Variants in EEFSEC observed in about 807,000 individuals in gnomAD.
EEFSEC encodes the protein selenocysteine-specific elongation factor.
In EEFSEC, 43 loss-of-function variants were observed where a neutral mutation model predicts 42.1. The observed-to-expected ratio is 1.02, with a 90% confidence interval of 0.80 to 1.32. The LOEUF is 1.32. Among genes scored for constraint, EEFSEC ranks in the 40% most tolerant of loss-of-function variants. The pLI is 0.00. For synonymous variants in EEFSEC, 354 were observed against 339.1 expected, an observed-to-expected ratio of 1.04 and a Z score of -0.48; for missense variants, 745 against 803.6, an observed-to-expected ratio of 0.93 and a Z score of 0.88.
rs370738607 is a variant in EEFSEC at position 128,287,615 on chromosome 3, C to T, written c.786+22834C>T. Among the ~76,000 whole-genome samples, 4 of 152,364 alleles carry T rather than the reference C, an allele frequency of 2.6e-5. No individual in the cohort carries two copies. In the South Asian group the frequency reaches 8.3e-4, roughly 32 times the overall value. On this transcript the variant is annotated intron_variant, in intron 4 of 6. Transcript: ENST00000254730. ...AGAGACTGAGTCTCCTGGAGTTAGA[C>T]TGGGAGACTTGCTCTTTGGGAAAGC...
intron 1 of EEFSEC, among the ~76,000 whole-genome samples, chr3:128,233,512 C>A (rs1187055719): frequency 3.9e-5 from 6 of 152,186 alleles, no homozygotes; most frequent in Non-Finnish European, 8.8e-5. Context: ...AATCATGTCT[C>A]CAGTTATCCA....
chr3:128,164,575 C>T (rs539761630), intron 1 of EEFSEC, among the ~76,000 whole-genome samples: 4 of 152,202 alleles, frequency 2.6e-5, no homozygotes, highest in Admixed American at 1.3e-4. Context: ...AAAGGAGGTG[C>T]GGCCAGGTTG....
At chr3:128,323,266 G>C (rs2067027638) in intron 4 of EEFSEC, among the ~76,000 whole-genome samples, 1 of 152,154 alleles carries the variant, frequency 6.6e-6, no homozygotes, top group African/African-American at 2.4e-5. Flanking sequence ...TTGCATATGG[G>C]AAATGGGAAC....
intron 4 of EEFSEC, among the ~76,000 whole-genome samples, chr3:128,267,815 C>G (rs899261705): frequency 1.3e-5 from 2 of 152,188 alleles, no homozygotes; most frequent in African/African-American, 4.8e-5. Flanking sequence ...ACTTCTATAG[C>G]AAAGTTATGC....
intron 6 of EEFSEC, among the ~76,000 whole-genome samples, chr3:128,381,933 G>A (rs1219134038): frequency 6.6e-6 from 1 of 152,136 alleles, no homozygotes; most frequent in South Asian, 2.1e-4. Context: ...AGGGAGCAGG[G>A]GGAAGAACAG....
intron 4 of EEFSEC, among the ~76,000 whole-genome samples, chr3:128,309,027 T>G (rs1402747784): frequency 1.3e-5 from 2 of 152,260 alleles, no homozygotes; most frequent in African/African-American, 2.4e-5. Context: ...GGCTGCCAGA[T>G]AGTCAACTAG....
At chr3:128,309,642 A>C (rs892130689) in intron 4 of EEFSEC, among the ~76,000 whole-genome samples, 3 of 152,246 alleles carry the variant, frequency 2.0e-5, no homozygotes, top group Non-Finnish European at 4.4e-5. Context: ...GGATGCTGGC[A>C]GAGGGTGAAA....
At chr3:128,199,891 G>A (rs1576539742) in intron 1 of EEFSEC, among the ~76,000 whole-genome samples, 1 of 151,802 alleles carries the variant, frequency 6.6e-6, no homozygotes, top group African/African-American at 2.4e-5. Flanking sequence ...ACGCCACCAC[G>A]CCCTGCTAAT....
At chr3:128,236,692 A>G (rs547799349) in intron 1 of EEFSEC, among the ~76,000 whole-genome samples, 1 of 152,158 alleles carries the variant, frequency 6.6e-6, no homozygotes, top group African/African-American at 2.4e-5. Flanking sequence ...CCTCAAACGC[A>G]TGTGGAGGCT....
intron 1 of EEFSEC, among the ~76,000 whole-genome samples, chr3:128,173,607 G>A (rs2065320310): frequency 6.6e-6 from 1 of 152,186 alleles, no homozygotes; most frequent in Non-Finnish European, 1.5e-5. Flanking sequence ...CCTTCCACAA[G>A]CATTGCAGGC....
At chr3:128,235,329 A>ACCTCCC (rs1387515543) in intron 1 of EEFSEC, among the ~76,000 whole-genome samples, 1 of 151,864 alleles carries the variant, frequency 6.6e-6, no homozygotes, top group African/African-American at 2.4e-5. Context: ...TCGGCCTCCC[A>ACCTCCC]AAGTGCTGGG....
intron 6 of EEFSEC, among the ~76,000 whole-genome samples, chr3:128,405,549 G>T (rs1243612454): frequency 2.6e-5 from 4 of 152,202 alleles, no homozygotes; most frequent in Non-Finnish European, 4.4e-5. Context: ...TATAAAGAAG[G>T]GGTGGCCAAC....
At position 128,235,313 on chromosome 3, in the gene EEFSEC, C is replaced by T. The variant is rs534672989; in HGVS notation, c.317-11523C>T. On this transcript the variant is annotated intron_variant, in intron 1 of 6. Transcript: ENST00000254730. ...TGAACTCCTGGGCTCAAGCAATCCCCCCACCTCGGCCTCCCAAAGTGCTGG... is the reference window on the plus strand; with the variant it reads ...TGAACTCCTGGGCTCAAGCAATCCCTCCACCTCGGCCTCCCAAAGTGCTGG... Among the ~76,000 whole-genome samples the T allele has an allele frequency of 3.6e-4, 55 of 152,202 alleles. No homozygotes were observed. The South Asian group carries it at 4.6e-3, about 13-fold the overall frequency.
intron 1 of EEFSEC, among the ~76,000 whole-genome samples, chr3:128,191,359 C>G (rs1012361298): frequency 1.3e-5 from 2 of 152,050 alleles, no homozygotes; most frequent in Admixed American, 1.3e-4. Flanking sequence ...GTGGCATGAT[C>G]ATTTAGCTCA....
At chr3:128,386,783 A>T (rs2067844061) in intron 6 of EEFSEC, among the ~76,000 whole-genome samples, 1 of 152,098 alleles carries the variant, frequency 6.6e-6, no homozygotes, top group African/African-American at 2.4e-5. Context: ...AGGCTCCTTT[A>T]AACAACCGGC....
intron 2 of EEFSEC, among the ~76,000 whole-genome samples, chr3:128,250,300 G>A (rs955901984): frequency 6.6e-6 from 1 of 151,938 alleles, no homozygotes; most frequent in African/African-American, 2.4e-5. Context: ...CTGTGCTTTT[G>A]GAGTCATATC....
intron 6 of EEFSEC, among the ~76,000 whole-genome samples, chr3:128,358,850 G>A (rs918175131): frequency 7.9e-5 from 12 of 152,148 alleles, no homozygotes; most frequent in African/African-American, 1.9e-4. Context: ...TTGTGCTGGG[G>A]CCTCTCCGTG....
At chr3:128,296,226 G>A (rs2066704837) in intron 4 of EEFSEC, among the ~76,000 whole-genome samples, 1 of 152,258 alleles carries the variant, frequency 6.6e-6, no homozygotes, top group Admixed American at 6.5e-5. Flanking sequence ...CTTGGAAAAC[G>A]TAATCCACGT....
chr3:128,406,690 G>A (rs1055772881), intron 6 of EEFSEC, among the ~76,000 whole-genome samples: 50 of 152,078 alleles, frequency 3.3e-4, no homozygotes, highest in Admixed American at 2.8e-3. Context: ...GCACGAGCCT[G>A]TGGTCCCCAC....
Sources: allele counts gnomAD v4.1 joint callset (sites outside exome capture counted in the v4.1 genomes callset), GRCh38; gene constraint gnomAD v4.1.1; transcripts MANE v1.5; gene names NCBI Gene and HGNC (gene_info 2026-07-23, HGNC 2026-07-21).